IGFBP2: variants seen among roughly 807,000 people sequenced by gnomAD.
IGFBP2 encodes the protein insulin-like growth factor-binding protein 2.
Under a neutral mutation model 26.2 loss-of-function variants are expected in IGFBP2, and 12 were observed. The ratio of observed to expected loss-of-function variants is 0.46; its 90% confidence interval spans 0.29 to 0.74. The LOEUF (loss-of-function observed/expected upper bound fraction) is 0.74. IGFBP2 is among the 30% of genes least tolerant of loss of function. The pLI, the probability that IGFBP2 is intolerant of heterozygous loss-of-function variation, is 0.09. For synonymous variants in IGFBP2, 189 were observed against 200.6 expected (o/e 0.94, Z 0.49); for missense variants, 328 against 441.2 (o/e 0.74, Z 2.30).
intron 1 of IGFBP2, among the ~76,000 whole-genome samples, chr2:216,660,032 C>T (rs531600857): frequency 1.1e-4 from 17 of 151,990 alleles, no homozygotes; most frequent in African/African-American, 9.7e-5. Context: ...GTCTGTGGCA[C>T]GAGTTTTAAA....
intron 1 of IGFBP2, among the ~76,000 whole-genome samples, chr2:216,654,788 G>A (rs1044347887): frequency 5.9e-5 from 9 of 152,170 alleles, no homozygotes; most frequent in African/African-American, 1.9e-4. Flanking sequence ...CGTTGGCACT[G>A]CTGAGATCAA....
At chr2:216,646,585 A>G (rs965378502) in intron 1 of IGFBP2, among the ~76,000 whole-genome samples, 1 of 152,270 alleles carries the variant, frequency 6.6e-6, no homozygotes, top group East Asian at 1.9e-4. Flanking sequence ...AAGACTGGGT[A>G]ATTTACAAAA....
Position 216,633,622 on chromosome 2 carries a change from G to GGC in IGFBP2, c.107_108dup (p.Glu37ArgfsTer132). The GGC allele has an allele frequency of 9.8e-7, 1 of 1,017,208 alleles. No homozygotes were observed. Among genetic ancestry groups the GGC allele is most frequent in the Non-Finnish European group, 1.2e-6 (1 of 853,524 alleles). The allele number at this position is 1,017,208 out of a possible 1,614,324, so 63.0% of individuals were successfully genotyped here. ...TGGGCGCGAGTGGCGGCGGCGGCGG[G>GGC]GCGCGCGCGGAGGTGCTGTTCCGCT... On this transcript the variant is annotated frameshift_variant, in exon 1 of 4. Transcript: ENST00000233809. LOFTEE classifies it high-confidence loss of function.
intron 1 of IGFBP2, among the ~76,000 whole-genome samples, chr2:216,647,712 G>A (rs1023591634): frequency 2.0e-5 from 3 of 152,082 alleles, no homozygotes; most frequent in Non-Finnish European, 4.4e-5. Context: ...AGTAGAGACG[G>A]GGTTTCACCA....
chr2:216,648,670 G>A (rs893971112), intron 1 of IGFBP2, among the ~76,000 whole-genome samples: 8 of 152,010 alleles, frequency 5.3e-5, no homozygotes, highest in Non-Finnish European at 1.0e-4. Flanking sequence ...AGTCAGTGGC[G>A]CGATCTTGGC....
At chr2:216,647,612 C>T (rs896807969) in intron 1 of IGFBP2, among the ~76,000 whole-genome samples, 11 of 152,312 alleles carry the variant, frequency 7.2e-5, no homozygotes, top group South Asian at 2.1e-4. Flanking sequence ...CTCCGCCTCC[C>T]GGGTTTGCAC....
intron 1 of IGFBP2, among the ~76,000 whole-genome samples, chr2:216,650,349 A>G (rs1559177738): frequency 1.3e-5 from 2 of 152,210 alleles, no homozygotes; most frequent in Non-Finnish European, 2.9e-5. Flanking sequence ...TCAGAATCCC[A>G]GGGGTGGTGG....
chr2:216,661,555 G>A (rs539313074), intron 2 of IGFBP2: 7 of 462,880 alleles, frequency 1.5e-5, no homozygotes, highest in South Asian at 6.1e-5. Flanking sequence ...GACTCGAGAC[G>A]GCCACTTAGA....
chr2:216,652,762 C>T (rs1296862123), intron 1 of IGFBP2, among the ~76,000 whole-genome samples: 1 of 152,218 alleles, frequency 6.6e-6, no homozygotes, highest in Non-Finnish European at 1.5e-5. Flanking sequence ...AAGACGGAGC[C>T]ATGTGAGTTT....
At chr2:216,663,451 T>C (rs1385071218) in intron 3 of IGFBP2, 1 of 152,612 alleles carries the variant, frequency 6.6e-6, no homozygotes, top group African/African-American at 2.4e-5. Flanking sequence ...TGGCATCTAA[T>C]TCACAAAGTG....
At chr2:216,650,905 G>C (rs191330871) in intron 1 of IGFBP2, among the ~76,000 whole-genome samples, 4 of 151,456 alleles carry the variant, frequency 2.6e-5, no homozygotes, top group African/African-American at 4.8e-5. Context: ...AAGGGCTCAG[G>C]GGGTGAGAAG....
intron 1 of IGFBP2, among the ~76,000 whole-genome samples, chr2:216,654,444 T>C (rs567235056): frequency 6.6e-6 from 1 of 152,346 alleles, no homozygotes; most frequent in South Asian, 2.1e-4. Flanking sequence ...AAGAAAGTTG[T>C]CTGGTGCTGC....
intron 1 of IGFBP2, among the ~76,000 whole-genome samples, chr2:216,642,734 T>C (rs1485891892): frequency 6.6e-6 from 1 of 152,170 alleles, no homozygotes; most frequent in Non-Finnish European, 1.5e-5. Context: ...GGAGGGACTA[T>C]GGGGAACAGA....
At chr2:216,652,276 T>C (rs7575299) in intron 1 of IGFBP2, among the ~76,000 whole-genome samples, 8,375 of 150,602 alleles carry the variant, frequency 0.056, 751 homozygotes, top group African/African-American at 0.19. Flanking sequence ...CGGGTTCAAG[T>C]GATTCTCCTG....
rs1012840759 is a variant in IGFBP2 at position 216,633,870 on chromosome 2, G to T, written c.347G>T (p.Gly116Val). 1.3e-6 allele frequency: 2 copies of T among 1,573,656 alleles called. No individual in the cohort carries two copies. Among genetic ancestry groups the T allele is most frequent in the Admixed American group, 1.8e-5 (1 of 55,948 alleles). ...GQGLRCYPHP[G>V]SELPLQALVM... ...GGGCTGCGCTGCTATCCCCACCCGG[G>T]CTCCGAGCTGCCCCTGCAGGCGCTG... Residue 116 changes from glycine to valine, a missense_variant, in exon 1 of 4, where the codon GGC (glycine) becomes GTC (valine). Coordinates refer to ENST00000233809, the MANE Select transcript of IGFBP2 (RefSeq NM_000597.3).
rs1296499208 is a variant in IGFBP2, at chr2:216,633,679, C to T, written c.156C>T (p.Ala52=). The change falls in exon 1 of 4, where the codon GCC becomes GCT. Residue 52 remains alanine (A), a synonymous_variant. Transcript: ENST00000233809. ...CCTGCACACCCGAGCGCCTGGCCGC[C>T]TGCGGGCCCCCGCCGGTTGCGCCGC... ...CPPCTPERLA[A]CGPPPVAPPA... The T allele has an allele frequency of 1.8e-6, 2 of 1,135,386 alleles. No homozygotes were observed. Among genetic ancestry groups the T allele is most frequent in the Non-Finnish European group, 2.2e-6 (2 of 928,668 alleles). The allele number at this position is 1,135,386 out of a possible 1,614,324, so 70.3% of individuals were successfully genotyped here.
chr2:216,662,045 G>A, intron 3 of IGFBP2, 47 bp downstream of exon 3: 1 of 1,603,820 alleles, frequency 6.2e-7, no homozygotes, highest in Non-Finnish European at 8.5e-7. Flanking sequence ...CCTCAGCCCT[G>A]GGCCCCAGAT....
intron 1 of IGFBP2, among the ~76,000 whole-genome samples, chr2:216,651,864 C>T (rs980353104): frequency 3.3e-5 from 5 of 152,288 alleles, no homozygotes; most frequent in Admixed American, 1.3e-4. Context: ...TGGGTTCAAG[C>T]GATTCTTGTG....
chr2:216,636,481 G>A (rs1375156575), intron 1 of IGFBP2, among the ~76,000 whole-genome samples: 2 of 152,078 alleles, frequency 1.3e-5, no homozygotes, highest in Non-Finnish European at 2.9e-5. Context: ...ATCAGTGGGT[G>A]GAAGGAGTGG....
Sources: allele counts gnomAD v4.1 joint callset (sites outside exome capture counted in the v4.1 genomes callset), GRCh38; gene constraint gnomAD v4.1.1; transcripts MANE v1.5; gene names NCBI Gene and HGNC (gene_info 2026-07-23, HGNC 2026-07-21).